Variants in WWP1 observed in about 807,000 individuals in gnomAD.
WWP1 encodes the protein WW domain containing E3 ubiquitin protein ligase 1.
A neutral mutation model predicts 130.6 loss-of-function variants in WWP1; 49 were observed. The observed-to-expected ratio is 0.38, with a 90% CI of 0.30 to 0.48. The LOEUF (loss-of-function observed/expected upper bound fraction) is 0.48, where lower values mean the gene tolerates loss of function less well. Ranked by LOEUF, WWP1 falls within the 20% of genes least tolerant of loss-of-function variation. The pLI is 0.99. For missense variants in WWP1, 809 were observed against 1,100.6 expected (o/e 0.74, Z 3.75); for synonymous variants, 332 against 367.8 (o/e 0.90, Z 1.11).
chr8:86,452,662 G>A lies in WWP1; in HGVS notation c.2377G>A (p.Asp793Asn). The change falls in exon 21 of 25, where the codon GAT becomes AAT. Residue 793 changes from aspartate to asparagine, a missense_variant. This residue lies in a region of WWP1 where 450 missense variants were observed against 674.2 expected (regional missense o/e 0.67). Coordinates refer to ENST00000517970, the MANE Select transcript of WWP1 (RefSeq NM_007013.4). ...TCCTCTTCAGTGGCTACAGTACTTC[G>A]ATGAAAAAGAATTAGAGGTTAGGCC... ...VVPLQWLQYF[D>N]EKELEVMLCG... The A allele has an allele frequency of 2.5e-6, 4 of 1,612,750 alleles. No individual in the cohort carries two copies. Among genetic ancestry groups the A allele is most frequent in the Non-Finnish European group, 3.4e-6 (4 of 1,179,480 alleles).
At chr8:86,421,684 C>T (rs1263260021) in intron 9 of WWP1, among the ~76,000 whole-genome samples, 1 of 151,944 alleles carries the variant, frequency 6.6e-6, no homozygotes, top group Non-Finnish European at 1.5e-5. Flanking sequence ...ATTAGCTGGG[C>T]GTGGTGGCTG....
chr8:86,375,021 A>G (rs531322335), intron 3 of WWP1, among the ~76,000 whole-genome samples: 80 of 152,244 alleles, frequency 5.3e-4, no homozygotes, highest in African/African-American at 1.9e-3. Context: ...TTAATCAAAA[A>G]ATCTCCATTC....
intron 1 of WWP1, among the ~76,000 whole-genome samples, chr8:86,344,943 C>T (rs571850205): frequency 2.6e-5 from 4 of 152,216 alleles, no homozygotes; most frequent in African/African-American, 9.6e-5. Flanking sequence ...GGGGCTTCCA[C>T]AGATGATTTT....
At chr8:86,454,114 T>G (rs1055118879) in intron 21 of WWP1, among the ~76,000 whole-genome samples, 1 of 152,112 alleles carries the variant, frequency 6.6e-6, no homozygotes, top group Non-Finnish European at 1.5e-5. Flanking sequence ...AGGGCACCTG[T>G]GGACACCACA....
intron 5 of WWP1, 142 bp downstream of exon 5, chr8:86,381,771 AT>A: frequency 1.2e-6 from 1 of 841,358 alleles, no homozygotes; most frequent in Non-Finnish European, 1.7e-6. Flanking sequence ...ACTTTGTGGC[AT>A]TTTATGAAAT....
At chr8:86,421,527 T>A (rs1257567998) in intron 9 of WWP1, among the ~76,000 whole-genome samples, 1 of 152,088 alleles carries the variant, frequency 6.6e-6, no homozygotes, top group African/African-American at 2.4e-5. Flanking sequence ...CCAGATTGAT[T>A]TAATATTTGA....
intron 24 of WWP1, among the ~76,000 whole-genome samples, chr8:86,463,529 C>T (rs960884063): frequency 7.9e-5 from 12 of 151,968 alleles, no homozygotes; most frequent in African/African-American, 1.4e-4. Flanking sequence ...TGGTCTCAAA[C>T]TCTCCTCACC....
At chr8:86,408,411 T>C (rs1808399468) in intron 8 of WWP1, among the ~76,000 whole-genome samples, 1 of 152,200 alleles carries the variant, frequency 6.6e-6, no homozygotes, top group Non-Finnish European at 1.5e-5. Flanking sequence ...ATGTTTACTT[T>C]TGTAACAAAC....
rs1472177783 is a variant in WWP1, at chr8:86,390,255, C to T, written c.335-8087C>T. On this transcript the variant is annotated intron_variant, in intron 5 of 24. Coordinates refer to ENST00000517970, the MANE Select transcript of WWP1 (RefSeq NM_007013.4). ...GGCTCCTCACATCCCAGACGACGGGCGGCCAGGCAGAGACGCTCCTCACTT... is the reference window on the plus strand; with the variant it reads ...GGCTCCTCACATCCCAGACGACGGGTGGCCAGGCAGAGACGCTCCTCACTT... Among the ~76,000 whole-genome samples the T allele has an allele frequency of 4.6e-5, 7 of 152,072 alleles. No individual in the cohort carries two copies. In the East Asian group the frequency reaches 5.8e-4, roughly 13 times the overall value.
At chr8:86,456,975 GTTTTGATTACAAAAAGGGGATGATGA>G (rs1811482215) in intron 21 of WWP1, among the ~76,000 whole-genome samples, 1 of 151,908 alleles carries the variant, frequency 6.6e-6, no homozygotes, top group Non-Finnish European at 1.5e-5. Flanking sequence ...GAGGATGATT[GTTTTGATTACAAAAAGGGGATGATGA>G]TTTTGATTAC....
At chr8:86,357,729 A>G (rs1248425600) in intron 1 of WWP1, among the ~76,000 whole-genome samples, 1 of 152,220 alleles carries the variant, frequency 6.6e-6, no homozygotes, top group Non-Finnish European at 1.5e-5. Flanking sequence ...GCATCATGCA[A>G]AGGGATTTAG....
At chr8:86,382,973 CT>C (rs1472813995) in intron 5 of WWP1, among the ~76,000 whole-genome samples, 1 of 152,078 alleles carries the variant, frequency 6.6e-6, no homozygotes, top group African/African-American at 2.4e-5. Context: ...AAGGTTCTTT[CT>C]GCAAATCCAC....
intron 1 of WWP1, among the ~76,000 whole-genome samples, chr8:86,344,850 T>A (rs886660359): frequency 9.2e-5 from 14 of 152,198 alleles, no homozygotes; most frequent in African/African-American, 2.7e-4. Flanking sequence ...GGATAAAGGG[T>A]GATAAAACTT....
At chr8:86,464,268 A>C (rs903617807) in intron 24 of WWP1, among the ~76,000 whole-genome samples, 3 of 152,176 alleles carry the variant, frequency 2.0e-5, no homozygotes, top group Admixed American at 1.3e-4. Context: ...CTATAGATTA[A>C]ATGTACAACT....
At chr8:86,458,612 G>A (rs1051360369) in intron 22 of WWP1, among the ~76,000 whole-genome samples, 1 of 152,038 alleles carries the variant, frequency 6.6e-6, no homozygotes, top group African/African-American at 2.4e-5. Context: ...TCCAAATCAG[G>A]GATATTCTTC....
chr8:86,377,340 C>T (rs1263131325), intron 3 of WWP1, among the ~76,000 whole-genome samples: 3 of 151,714 alleles, frequency 2.0e-5, no homozygotes, highest in Admixed American at 6.6e-5. Flanking sequence ...ACAGGTGATC[C>T]GCCTGCCTCG....
intron 18 of WWP1, among the ~76,000 whole-genome samples, chr8:86,447,329 C>T (rs1374969646): frequency 3.3e-5 from 5 of 152,108 alleles, no homozygotes; most frequent in African/African-American, 9.7e-5. Flanking sequence ...TGCAGTGGCA[C>T]GATCTTGGCT....
In WWP1 at chr8:86,374,088, A is replaced by T. The variant is rs774859127; in HGVS notation, c.38A>T (p.Asn13Ile). The T allele has an allele frequency of 1.2e-6, 2 of 1,610,768 alleles. No homozygotes were observed. The highest frequency in any genetic ancestry group is 2.2e-5 in the South Asian group (2 of 90,330). The change falls in exon 3 of 25, where the codon AAC becomes ATC. Residue 13 changes from asparagine to isoleucine, a missense_variant. Coordinates refer to ENST00000517970, the MANE Select transcript of WWP1 (RefSeq NM_007013.4). ...TCACCAAGGTCTGATACTAGTAATA[A>T]CCACAGTGGAAGGTTGCAGTTACAG... ...TASPRSDTSNNHSGRLQLQVT... is the reference protein window; with the variant it reads ...TASPRSDTSNIHSGRLQLQVT...
At chr8:86,370,663 A>G (rs1023723027) in intron 2 of WWP1, among the ~76,000 whole-genome samples, 1 of 152,136 alleles carries the variant, frequency 6.6e-6, no homozygotes, top group Non-Finnish European at 1.5e-5. Flanking sequence ...ATAACCATCA[A>G]AATAATTCAT....
Sources: gnomAD v4.1 joint callset for allele counts (sites outside exome capture counted in the v4.1 genomes callset) on GRCh38, gnomAD v4.1.1 for gene constraint, gnomAD v4.1.1 regional missense constraint, MANE v1.5 for transcripts, NCBI Gene and HGNC (gene_info 2026-07-23, HGNC 2026-07-21) for gene names.